CSMD2: variants seen among roughly 807,000 people sequenced by gnomAD.
CSMD2 encodes the protein CUB and Sushi multiple domains 2, also known as CUB and sushi domain-containing protein 2.
A neutral mutation model predicts 398.5 loss-of-function variants in CSMD2; 130 were observed. The ratio of observed to expected loss-of-function variants is 0.33; its 90% CI spans 0.28 to 0.38. CSMD2 has a LOEUF of 0.38. Ranked by LOEUF, CSMD2 falls within the 10% of genes least tolerant of loss-of-function variation. The pLI is 1.00. For synonymous variants in CSMD2, 1,828 were observed against 1,908.5 expected, an observed-to-expected ratio of 0.96 and a Z score of 1.10; for missense variants, 3,829 against 4,764.9, an observed-to-expected ratio of 0.80 and a Z score of 5.78.
At chr1:33,891,905 G>T (rs1320171906) in intron 5 of CSMD2, among the ~76,000 whole-genome samples, 4 of 103,108 alleles carry the variant, frequency 3.9e-5, no homozygotes, top group South Asian at 8.6e-4. Context: ...GTTGTGGGGT[G>T]GGGGGAGGGG....
intron 10 of CSMD2, among the ~76,000 whole-genome samples, chr1:33,792,787 C>T (rs1031016638): frequency 7.2e-5 from 11 of 152,168 alleles, no homozygotes; most frequent in Non-Finnish European, 1.2e-4. Context: ...TCACAGCAAC[C>T]GGGCACATCT....
intron 64 of CSMD2, among the ~76,000 whole-genome samples, chr1:33,527,997 C>G (rs182951750): frequency 6.6e-6 from 1 of 151,794 alleles, no homozygotes; most frequent in Non-Finnish European, 1.5e-5. Context: ...CTTCCAGATG[C>G]CTCGCATGAA....
At position 34,164,621 on chromosome 1, in the gene CSMD2, A is replaced by G. The variant is rs1641697268; in HGVS notation, c.187+290T>C. On this transcript the variant is annotated intron_variant, in intron 1 of 70. Coordinates refer to ENST00000373381, the MANE Select transcript of CSMD2 (RefSeq NM_001281956.2). This position sits in a 1 kb window ranked among gnomAD's most constrained non-coding sequence, Gnocchi z 6.2. The stretch of plus-strand genomic sequence containing the variant: ...TGAAGCCACAGACCAGGTGCCCCGC[A>G]ACCCCGGGCGGGGATGTCTGTCTCC... Among the ~76,000 whole-genome samples, 1 of 152,092 alleles carries G rather than the reference A, an allele frequency of 6.6e-6. No individual in the cohort carries two copies.
intron 4 of CSMD2, 29 bp from the exon 5 acceptor site, chr1:33,918,330 T>C (rs757863684): frequency 3.1e-6 from 5 of 1,603,364 alleles, no homozygotes; most frequent in Non-Finnish European, 4.3e-6. Flanking sequence ...GAGGCTTACA[T>C]GAGTAGTCTG....
chr1:33,753,571 T>C (rs575460515), intron 13 of CSMD2, among the ~76,000 whole-genome samples: 2 of 152,306 alleles, frequency 1.3e-5, no homozygotes, highest in African/African-American at 2.4e-5. Context: ...GTCCCACCAG[T>C]GAAGTGCCTG....
intron 31 of CSMD2, among the ~76,000 whole-genome samples, chr1:33,634,423 C>T (rs777057991): frequency 4.6e-5 from 7 of 152,220 alleles, no homozygotes; most frequent in Non-Finnish European, 8.8e-5. Context: ...CTGCTCCCTC[C>T]GTCCTGCTCC....
chr1:34,038,541 A>C (rs909811929), intron 2 of CSMD2, among the ~76,000 whole-genome samples: 1 of 152,136 alleles, frequency 6.6e-6, no homozygotes, highest in Admixed American at 6.6e-5. Context: ...TGGGACGGCC[A>C]GGACACCATA....
intron 2 of CSMD2, among the ~76,000 whole-genome samples, chr1:34,085,834 C>G (rs920186467): frequency 4.6e-5 from 7 of 152,098 alleles, no homozygotes; most frequent in African/African-American, 7.2e-5. Flanking sequence ...AACAAAGACT[C>G]TTTACTTCTT....
intron 2 of CSMD2, among the ~76,000 whole-genome samples, chr1:34,054,795 A>C (rs1441217906): frequency 6.6e-6 from 1 of 152,030 alleles, no homozygotes; most frequent in Non-Finnish European, 1.5e-5. Flanking sequence ...GGAGCTGGTG[A>C]TTGTCTCTTA....
At position 34,034,614 on chromosome 1, in the gene CSMD2, T is replaced by C. The variant is rs1011101509; in HGVS notation, c.405-1908A>G. Among the ~76,000 whole-genome samples, 12 of 152,350 alleles carry C rather than the reference T, an allele frequency of 7.9e-5. No individual in the cohort carries two copies. In the South Asian group the frequency reaches 1.0e-3, roughly 13 times the overall value. On this transcript the variant is annotated intron_variant, in intron 2 of 70. Transcript: ENST00000373381. ...GATCCTTAATCCATGCAGCGAGATT[T>C]ATCTCTTCAATGCCCAGTTACATAA... is the stretch of plus-strand genomic sequence containing the variant.
chr1:33,679,441 C>CCA (rs2149058319), intron 25 of CSMD2, among the ~76,000 whole-genome samples: 1 of 152,172 alleles, frequency 6.6e-6, no homozygotes, highest in East Asian at 1.9e-4. Context: ...ACCTCGTGAT[C>CCA]CACCCACCTC....
At chr1:34,138,626 G>A (rs1638986473) in intron 1 of CSMD2, among the ~76,000 whole-genome samples, 1 of 152,110 alleles carries the variant, frequency 6.6e-6, no homozygotes, top group Non-Finnish European at 1.5e-5. Context: ...TTGACTACAT[G>A]TCTGATTATT....
At chr1:33,811,401 G>T (rs1485431900) in intron 9 of CSMD2, among the ~76,000 whole-genome samples, 1 of 152,020 alleles carries the variant, frequency 6.6e-6, no homozygotes, top group African/African-American at 2.4e-5. Flanking sequence ...TGACCCCCTT[G>T]GTCCTCCTGA....
intron 3 of CSMD2, among the ~76,000 whole-genome samples, chr1:34,025,290 T>G (rs769684324): frequency 6.6e-6 from 1 of 152,166 alleles, no homozygotes; most frequent in Non-Finnish European, 1.5e-5. Flanking sequence ...TGACACTAAG[T>G]GGAGCATGTC....
At chr1:34,138,623 C>T (rs1638984996) in intron 1 of CSMD2, among the ~76,000 whole-genome samples, 1 of 152,156 alleles carries the variant, frequency 6.6e-6, no homozygotes, top group South Asian at 2.1e-4. Context: ...TGGTTGACTA[C>T]ATGTCTGATT....
chr1:33,654,455 C>T (rs1417131021), intron 27 of CSMD2, among the ~76,000 whole-genome samples: 3 of 152,114 alleles, frequency 2.0e-5, no homozygotes, highest in African/African-American at 4.8e-5. Context: ...CGTGCTTCTC[C>T]CCGCTGGCCA....
chr1:33,900,467 T>C (rs1383963787), intron 5 of CSMD2, among the ~76,000 whole-genome samples: 1 of 152,192 alleles, frequency 6.6e-6, no homozygotes, highest in Admixed American at 6.5e-5. Context: ...CTCTTTATGA[T>C]AATATTATTA....
intron 19 of CSMD2, among the ~76,000 whole-genome samples, chr1:33,723,992 T>C (rs536556533): frequency 3.9e-4 from 60 of 152,268 alleles, no homozygotes; most frequent in Non-Finnish European, 4.6e-4. Context: ...AGGGAGATTT[T>C]AGAATCTCAA....
intron 3 of CSMD2, among the ~76,000 whole-genome samples, chr1:34,014,321 T>C (rs2358756): frequency 0.21 from 31,398 of 152,226 alleles, 3,937 homozygotes; most frequent in East Asian, 0.57. Context: ...TGCCCATGGG[T>C]CCTGATAAAC....
Sources: gnomAD v4.1 joint callset for allele counts (sites outside exome capture counted in the v4.1 genomes callset) on GRCh38, gnomAD v4.1.1 for gene constraint, Gnocchi (gnomAD v3.1) non-coding constraint, MANE v1.5 for transcripts, NCBI Gene and HGNC (gene_info 2026-07-23, HGNC 2026-07-21) for gene names.